Variants in FHOD3 observed in about 807,000 individuals in gnomAD.
FHOD3 encodes FH1/FH2 domain-containing protein 3.
A neutral mutation model predicts 173.0 loss-of-function variants in FHOD3; 90 were observed. The ratio of observed to expected loss-of-function variants is 0.52; its 90% CI spans 0.44 to 0.62. The LOEUF (loss-of-function observed/expected upper bound fraction) is 0.62, where lower values mean the gene tolerates loss of function less well. FHOD3 is among the 20% of genes least tolerant of loss of function. The probability of loss-of-function intolerance (pLI) is 0.00; values close to 1 mark genes in which losing one functional copy is unlikely to be tolerated. For synonymous variants in FHOD3, 828 were observed against 823.0 expected (o/e 1.01, Z -0.10); for missense variants, 1,945 against 2,034.7 (o/e 0.96, Z 0.85).
intron 25 of FHOD3, 146 bp downstream of exon 25, chr18:36,755,457 C>A: frequency 5.2e-6 from 3 of 573,256 alleles, no homozygotes; most frequent in Non-Finnish European, 7.8e-6. Flanking sequence ...TTAAAAAGTG[C>A]TCTTAAAGTA....
chr18:36,558,974 C>T (rs1272098003), intron 5 of FHOD3, among the ~76,000 whole-genome samples: 1 of 151,420 alleles, frequency 6.6e-6, no homozygotes, highest in Non-Finnish European at 1.5e-5. Context: ...AGCCCTCAGC[C>T]CTGCCTCCTC....
chr18:36,634,731 A>G (rs1173435661), intron 10 of FHOD3, among the ~76,000 whole-genome samples: 2 of 152,174 alleles, frequency 1.3e-5, no homozygotes, highest in Non-Finnish European at 2.9e-5. Flanking sequence ...GTACTCCTTA[A>G]TACGGTGGTG....
At chr18:36,569,114 A>G (rs1476778624) in intron 5 of FHOD3, among the ~76,000 whole-genome samples, 2 of 152,236 alleles carry the variant, frequency 1.3e-5, no homozygotes, top group Non-Finnish European at 2.9e-5. Context: ...TGGAAATGAT[A>G]GACCTTAAAT....
intron 3 of FHOD3, among the ~76,000 whole-genome samples, chr18:36,428,298 A>G (rs1161019457): frequency 6.6e-6 from 1 of 152,198 alleles, no homozygotes; most frequent in Non-Finnish European, 1.5e-5. Context: ...GCATTTCTAA[A>G]GTGGTAGGTA....
chr18:36,312,728 G>A (rs1470871507), intron 1 of FHOD3, among the ~76,000 whole-genome samples: 1 of 152,238 alleles, frequency 6.6e-6, no homozygotes, highest in East Asian at 1.9e-4. Context: ...TGGAAAATAA[G>A]TTAATGTTTG....
Position 36,652,779 on chromosome 18 carries a change from C to T in FHOD3, c.1496C>T (p.Ser499Phe). 1 of 1,536,010 alleles carries T rather than the reference C, an allele frequency of 6.5e-7. No homozygotes were observed. Among genetic ancestry groups the T allele is most frequent in the Non-Finnish European group, 8.7e-7 (1 of 1,146,742 alleles). The change falls in exon 12 of 29, where the codon TCC (serine) becomes TTC (phenylalanine). Residue 499 changes from serine (S) to phenylalanine (F), a missense_variant. This residue lies in a region of FHOD3 where 1,099 missense variants were observed against 1,051.2 expected (regional missense o/e 1.05). Coordinates refer to ENST00000590592, the MANE Select transcript of FHOD3 (RefSeq NM_001281740.3). ...LSPPASAARP[S>F]SATPGSLKVS... Reference sequence around the variant, plus strand: ...CCCCCTGCCTCAGCTGCTCGGCCCTCCTCCGCCACACCAGGCTCCCTGAAG... The same window carrying T: ...CCCCCTGCCTCAGCTGCTCGGCCCTTCTCCGCCACACCAGGCTCCCTGAAG...
At chr18:36,579,833 A>G (rs2148060542) in intron 6 of FHOD3, among the ~76,000 whole-genome samples, 1 of 152,242 alleles carries the variant, frequency 6.6e-6, no homozygotes, top group South Asian at 2.1e-4. Flanking sequence ...ATTTCTCTTT[A>G]TAGCAGCAAA....
intron 3 of FHOD3, among the ~76,000 whole-genome samples, chr18:36,398,607 A>G (rs2048662388): frequency 6.6e-6 from 1 of 152,228 alleles, no homozygotes; most frequent in Non-Finnish European, 1.5e-5. Context: ...TGGTCAGGGC[A>G]TATCAGGAAC....
chr18:36,319,443 T>C (rs929489571), intron 1 of FHOD3, among the ~76,000 whole-genome samples: 1 of 152,214 alleles, frequency 6.6e-6, no homozygotes, highest in Admixed American at 6.5e-5. Context: ...CAAACTATCC[T>C]AAATATATAT....
intron 3 of FHOD3, among the ~76,000 whole-genome samples, chr18:36,380,596 T>TC (rs2047723783): frequency 7.1e-6 from 1 of 140,374 alleles, no homozygotes; most frequent in Admixed American, 7.4e-5. Context: ...TCCTTTCCTT[T>TC]CCTTTCCTTT....
intron 3 of FHOD3, among the ~76,000 whole-genome samples, chr18:36,419,323 A>G (rs1241476835): frequency 1.3e-5 from 2 of 151,734 alleles, no homozygotes; most frequent in Admixed American, 1.3e-4. Flanking sequence ...TCTTGAGTTC[A>G]AGTGGAGGCC....
intron 20 of FHOD3, 143 bp from the exon 21 acceptor site, chr18:36,740,513 T>C: frequency 1.2e-6 from 1 of 841,012 alleles, no homozygotes; most frequent in Non-Finnish European, 1.8e-6. Context: ...TTGCTTCAAG[T>C]ATATTTGGTT....
chr18:36,649,179 GTTT>G, intron 10 of FHOD3, 134 bp from the exon 11 acceptor site: 4 of 491,678 alleles, frequency 8.1e-6, no homozygotes, highest in East Asian at 3.6e-5. Flanking sequence ...CAGCTGGGTG[GTTT>G]TTTTTTTTTA....
intron 9 of FHOD3, among the ~76,000 whole-genome samples, chr18:36,615,945 T>A (rs1381453406): frequency 6.6e-6 from 1 of 152,228 alleles, no homozygotes; most frequent in African/African-American, 2.4e-5. Context: ...CACTTGAAGC[T>A]GCCAACAGCC....
intron 5 of FHOD3, among the ~76,000 whole-genome samples, chr18:36,543,980 G>A (rs1392105587): frequency 6.6e-6 from 1 of 152,214 alleles, no homozygotes; most frequent in Non-Finnish European, 1.5e-5. Context: ...GAATGTAGCT[G>A]TAGCAAGTTA....
intron 3 of FHOD3, among the ~76,000 whole-genome samples, chr18:36,443,250 G>C (rs547078288): frequency 6.6e-6 from 1 of 152,098 alleles, no homozygotes; most frequent in Non-Finnish European, 1.5e-5. Context: ...TGCCTGTGAC[G>C]ATCATTACTG....
intron 3 of FHOD3, among the ~76,000 whole-genome samples, chr18:36,437,289 T>G (rs2050858633): frequency 6.6e-6 from 1 of 152,182 alleles, no homozygotes. Flanking sequence ...GGCTAACTTT[T>G]GTATTTTTGT....
chr18:36,582,868 C>T (rs2058904457), intron 6 of FHOD3, among the ~76,000 whole-genome samples: 1 of 152,214 alleles, frequency 6.6e-6, no homozygotes, highest in Non-Finnish European at 1.5e-5. Flanking sequence ...GGATTTTTGT[C>T]ACACATTTTT....
chr18:36,693,173 T>G, intron 16 of FHOD3, 36 bp from the exon 17 acceptor site: 1 of 1,585,728 alleles, frequency 6.3e-7, no homozygotes, highest in Non-Finnish European at 8.6e-7. Context: ...GGCTCCTCTT[T>G]CGTTTGACGG....
Sources: allele counts gnomAD v4.1 joint callset (sites outside exome capture counted in the v4.1 genomes callset), GRCh38; gene constraint gnomAD v4.1.1; regional missense constraint gnomAD v4.1.1; transcripts MANE v1.5; gene names NCBI Gene and HGNC (gene_info 2026-07-23, HGNC 2026-07-21).